GRIA4: variants seen among roughly 807,000 people sequenced by gnomAD.
GRIA4 encodes glutamate receptor 4.
Under a neutral mutation model 104.0 loss-of-function variants are expected in GRIA4, and 34 were observed. The ratio of observed to expected loss-of-function variants is 0.33; its 90% confidence interval spans 0.25 to 0.44. GRIA4 has a LOEUF of 0.44. Ranked by LOEUF, GRIA4 falls within the 20% of genes least tolerant of loss-of-function variation. The pLI is 1.00. For synonymous variants in GRIA4, 386 were observed against 381.9 expected (o/e 1.01, Z -0.13); for missense variants, 750 against 1,096.5 (o/e 0.68, Z 4.46).
chr11:105,712,938 G>C (rs75951480), intron 3 of GRIA4, among the ~76,000 whole-genome samples: 5,145 of 152,048 alleles, frequency 0.034, 190 homozygotes, highest in African/African-American at 0.09. Context: ...TCATACAAAG[G>C]CTGCATATTA....
At chr11:105,782,894 T>C (rs916682800) in intron 4 of GRIA4, among the ~76,000 whole-genome samples, 1 of 152,168 alleles carries the variant, frequency 6.6e-6, no homozygotes, top group African/African-American at 2.4e-5. Context: ...TTTCTCAACT[T>C]TCTAAATCTC....
chr11:105,778,217 GTTTTCACC>G (rs1941540411), intron 4 of GRIA4, among the ~76,000 whole-genome samples: 1 of 152,146 alleles, frequency 6.6e-6, no homozygotes, highest in Non-Finnish European at 1.5e-5. Context: ...CTCATGTGTA[GTTTTCACC>G]TATGCTTTTA....
At chr11:105,684,483 C>G (rs1031404571) in intron 3 of GRIA4, among the ~76,000 whole-genome samples, 2 of 150,070 alleles carry the variant, frequency 1.3e-5, no homozygotes, top group African/African-American at 2.4e-5. Context: ...CACATTAAGA[C>G]AAACCAACAC....
chr11:105,860,197 T>C (rs982105087), intron 4 of GRIA4, among the ~76,000 whole-genome samples: 3 of 152,180 alleles, frequency 2.0e-5, no homozygotes, highest in Admixed American at 6.5e-5. Context: ...AGTATTTCAT[T>C]TGGCAGGATA....
chr11:105,849,011 G>A (rs12291666), intron 4 of GRIA4, among the ~76,000 whole-genome samples: 2,072 of 152,066 alleles, frequency 0.014, 34 homozygotes, highest in African/African-American at 0.046. Context: ...TCAACATGGC[G>A]ACAACCCGTC....
chr11:105,703,827 A>G (rs921333486), intron 3 of GRIA4, among the ~76,000 whole-genome samples: 1 of 152,062 alleles, frequency 6.6e-6, no homozygotes, highest in Non-Finnish European at 1.5e-5. Flanking sequence ...GCAGGTTCTT[A>G]TAAATTTTTA....
chr11:105,952,169 T>C (rs1039304270), intron 14 of GRIA4, among the ~76,000 whole-genome samples: 4 of 152,150 alleles, frequency 2.6e-5, no homozygotes, highest in African/African-American at 9.7e-5. Context: ...TCATCACTAT[T>C]TTTAAAATAA....
intron 4 of GRIA4, among the ~76,000 whole-genome samples, chr11:105,787,847 A>G (rs1009464946): frequency 3.9e-5 from 6 of 152,112 alleles, no homozygotes; most frequent in African/African-American, 1.4e-4. Context: ...AAGATGAATC[A>G]TTACAGTTCC....
At chr11:105,712,414 T>C (rs953118609) in intron 3 of GRIA4, among the ~76,000 whole-genome samples, 3 of 152,026 alleles carry the variant, frequency 2.0e-5, no homozygotes, top group Non-Finnish European at 4.4e-5. Flanking sequence ...TATATAGATA[T>C]AGATATATAT....
At chr11:105,783,792 G>C (rs1343582312) in intron 4 of GRIA4, among the ~76,000 whole-genome samples, 1 of 149,200 alleles carries the variant, frequency 6.7e-6, no homozygotes, top group Non-Finnish European at 1.5e-5. Context: ...GTGTGTATGT[G>C]TATGAGTAAA....
At chr11:105,869,783 A>C (rs1274238974) in intron 5 of GRIA4, among the ~76,000 whole-genome samples, 1 of 152,058 alleles carries the variant, frequency 6.6e-6, no homozygotes, top group African/African-American at 2.4e-5. Context: ...TTCAGTCAGA[A>C]AAGTAATGGA....
chr11:105,820,582 C>T (rs1418055166), intron 4 of GRIA4, among the ~76,000 whole-genome samples: 1 of 151,840 alleles, frequency 6.6e-6, no homozygotes, highest in African/African-American at 2.4e-5. Flanking sequence ...CCTCATTCTT[C>T]AACTGCCAAG....
intron 5 of GRIA4, among the ~76,000 whole-genome samples, chr11:105,863,740 T>C (rs951761509): frequency 2.0e-5 from 3 of 152,136 alleles, no homozygotes; most frequent in African/African-American, 4.8e-5. Flanking sequence ...GATTGCCAAG[T>C]TCCTGTCAGA....
chr11:105,934,327 T>A (rs1401108013), intron 14 of GRIA4, among the ~76,000 whole-genome samples: 2 of 149,554 alleles, frequency 1.3e-5, no homozygotes, highest in Non-Finnish European at 3.0e-5. Context: ...CATTTTATCA[T>A]TTTTTTTTAA....
intron 3 of GRIA4, among the ~76,000 whole-genome samples, chr11:105,674,497 T>C (rs1052710737): frequency 1.3e-5 from 2 of 151,786 alleles, no homozygotes; most frequent in Non-Finnish European, 2.9e-5. Context: ...AATATAGTAG[T>C]AACACTGTGG....
At chr11:105,765,804 C>G (rs922640915) in intron 4 of GRIA4, among the ~76,000 whole-genome samples, 1 of 152,166 alleles carries the variant, frequency 6.6e-6, no homozygotes, top group East Asian at 1.9e-4. Context: ...GTATAGCCTA[C>G]AGTATTTTCT....
intron 14 of GRIA4, among the ~76,000 whole-genome samples, chr11:105,964,040 G>T (rs1948801275): frequency 6.6e-6 from 1 of 151,956 alleles, no homozygotes; most frequent in Non-Finnish European, 1.5e-5. Flanking sequence ...TTAATTTATT[G>T]AAAGACAAAT....
At chr11:105,613,788 T>A (rs965818448) in intron 3 of GRIA4, 1 of 152,104 alleles carries the variant, frequency 6.6e-6, no homozygotes, top group African/African-American at 2.4e-5. Flanking sequence ...GCAAAGTGAA[T>A]AATTATATTA....
At chr11:105,979,547 C>T (rs1348130487) in intron 16 of GRIA4, 28 bp from the exon 17 acceptor site, 2 of 1,608,006 alleles carry the variant, frequency 1.2e-6, no homozygotes, top group Admixed American at 1.7e-5. Context: ...ACTCCGCGTT[C>T]TTTCTGCTTC....
Sources: gnomAD v4.1 joint callset for allele counts (sites outside exome capture counted in the v4.1 genomes callset) on GRCh38, gnomAD v4.1.1 for gene constraint, MANE v1.5 for transcripts, NCBI Gene and HGNC (gene_info 2026-07-23, HGNC 2026-07-21) for gene names.